PPARGC1A: variants seen among roughly 807,000 people sequenced by gnomAD.
The protein encoded by PPARGC1A is peroxisome proliferator-activated receptor gamma coactivator 1-alpha.
In PPARGC1A, 25 loss-of-function variants were observed where a neutral mutation model predicts 88.7. The ratio of observed to expected loss-of-function variants is 0.28; its 90% confidence interval spans 0.21 to 0.39. The LOEUF (loss-of-function observed/expected upper bound fraction) is 0.39. Ranked by LOEUF, PPARGC1A falls within the 10% of genes least tolerant of loss-of-function variation. The pLI is 1.00. For missense variants in PPARGC1A, 880 were observed against 968.7 expected, an observed-to-expected ratio of 0.91 and a Z score of 1.22; for synonymous variants, 363 against 355.6, an observed-to-expected ratio of 1.02 and a Z score of -0.24.
chr4:23,924,735 A>G, the PPARGC1A span, among the ~76,000 whole-genome samples: 1 of 152,128 alleles, frequency 6.6e-6, no homozygotes. Flanking sequence ...GACATGACCA[A>G]CTTCCTCACA....
chr4:24,107,365 T>C, the PPARGC1A span, among the ~76,000 whole-genome samples: 2 of 152,224 alleles, frequency 1.3e-5, no homozygotes, highest in African/African-American at 4.8e-5. Context: ...AATAACACAT[T>C]GATCCCTGAT....
At chr4:24,220,929 G>A in the PPARGC1A span, among the ~76,000 whole-genome samples, 1 of 151,920 alleles carries the variant, frequency 6.6e-6, no homozygotes, top group Non-Finnish European at 1.5e-5. Context: ...ACAACTCTAG[G>A]AACTACTAAA....
chr4:23,999,513 T>TTTGATG, the PPARGC1A span, among the ~76,000 whole-genome samples: 7 of 152,166 alleles, frequency 4.6e-5, no homozygotes, highest in Admixed American at 1.3e-4. Context: ...GGGTTGATTT[T>TTTGATG]TTGTTGTTGT....
chr4:24,203,413 T>C, the PPARGC1A span, among the ~76,000 whole-genome samples: 2 of 152,084 alleles, frequency 1.3e-5, no homozygotes, highest in African/African-American at 4.8e-5. Flanking sequence ...GTGGCAGGCA[T>C]CTGTAATCCC....
At chr4:23,813,185 C>T (rs188132445) in intron 8 of PPARGC1A, 60 bp from the exon 9 acceptor site, 20 of 1,421,616 alleles carry the variant, frequency 1.4e-5, no homozygotes, top group South Asian at 4.6e-5. Context: ...CCAAGTTTAT[C>T]GGCACTGTGG....
At chr4:23,988,650 T>C in the PPARGC1A span, among the ~76,000 whole-genome samples, 2 of 140,188 alleles carry the variant, frequency 1.4e-5, no homozygotes, top group East Asian at 2.1e-4. Context: ...GAGATAGATA[T>C]GTATATTTAT....
At chr4:24,252,341 G>A in the PPARGC1A span, among the ~76,000 whole-genome samples, 3 of 152,106 alleles carry the variant, frequency 2.0e-5, no homozygotes, top group Non-Finnish European at 2.9e-5. Flanking sequence ...TAGGAACCAC[G>A]GCCTTAGGGT....
At chr4:24,186,378 G>A in the PPARGC1A span, among the ~76,000 whole-genome samples, 6 of 152,132 alleles carry the variant, frequency 3.9e-5, no homozygotes, top group Admixed American at 1.3e-4. Context: ...TGCCTCCCAT[G>A]AGTCAGGATC....
the PPARGC1A span, among the ~76,000 whole-genome samples, chr4:24,007,811 A>G: frequency 1.3e-5 from 2 of 152,096 alleles, no homozygotes; most frequent in Non-Finnish European, 1.5e-5. Context: ...TCTGGATGCT[A>G]GGCGGGTTCC....
chr4:23,903,179 G>A (rs1719619787), upstream of PPARGC1A, among the ~76,000 whole-genome samples: 1 of 152,052 alleles, frequency 6.6e-6, no homozygotes, highest in Admixed American at 6.6e-5. Context: ...CTATTTTTAG[G>A]ACTTGAGAAA....
the PPARGC1A span, among the ~76,000 whole-genome samples, chr4:24,027,251 GCATATT>G: frequency 6.9e-6 from 1 of 145,286 alleles, no homozygotes; most frequent in Non-Finnish European, 1.5e-5. Flanking sequence ...GTGTGTGCGT[GCATATT>G]TTTGCCTGTA....
chr4:23,941,101 A>G, the PPARGC1A span, among the ~76,000 whole-genome samples: 2 of 152,274 alleles, frequency 1.3e-5, no homozygotes, highest in East Asian at 3.9e-4. Flanking sequence ...CCCAAGCAGG[A>G]ATACAATGGT....
intron 2 of PPARGC1A, among the ~76,000 whole-genome samples, chr4:23,843,901 G>T (rs1485003305): frequency 2.6e-5 from 4 of 151,774 alleles, no homozygotes; most frequent in Non-Finnish European, 2.9e-5. Flanking sequence ...GAACATACAT[G>T]CAGACCAATA....
At chr4:24,053,912 C>T in the PPARGC1A span, among the ~76,000 whole-genome samples, 6 of 152,164 alleles carry the variant, frequency 3.9e-5, no homozygotes, top group African/African-American at 7.2e-5. Flanking sequence ...CCTAACTCTC[C>T]ACCAGCCATA....
the PPARGC1A span, among the ~76,000 whole-genome samples, chr4:24,077,624 G>GGTGTGTGTGTGT: frequency 1.2e-3 from 155 of 130,956 alleles, no homozygotes; most frequent in African/African-American, 4.0e-3. Flanking sequence ...TGTGTCTAGG[G>GGTGTGTGTGTGT]GTGTGTGTGT....
At chr4:23,824,916 G>A (rs749698943) in intron 5 of PPARGC1A, among the ~76,000 whole-genome samples, 25 of 152,082 alleles carry the variant, frequency 1.6e-4, no homozygotes, top group African/African-American at 5.6e-4. Flanking sequence ...CTCCTAAAAC[G>A]TATAATTTTA....
the PPARGC1A span, among the ~76,000 whole-genome samples, chr4:23,982,024 T>C: frequency 1.3e-5 from 2 of 152,088 alleles, no homozygotes; most frequent in African/African-American, 4.8e-5. Flanking sequence ...AAGTTTTGAC[T>C]CACACACATC....
At chr4:24,201,643 T>G in the PPARGC1A span, among the ~76,000 whole-genome samples, 1 of 152,240 alleles carries the variant, frequency 6.6e-6, no homozygotes, top group African/African-American at 2.4e-5. Flanking sequence ...TTTTAGATTA[T>G]ATAAGGAACA....
chr4:24,028,121 GA>G, the PPARGC1A span, among the ~76,000 whole-genome samples: 7 of 151,108 alleles, frequency 4.6e-5, no homozygotes, highest in African/African-American at 7.3e-5. Flanking sequence ...GCTCCTCAAG[GA>G]AAAAAAAATC....
Sources: allele counts gnomAD v4.1 joint callset (sites outside exome capture counted in the v4.1 genomes callset), GRCh38; gene constraint gnomAD v4.1.1; transcripts MANE v1.5; gene names NCBI Gene and HGNC (gene_info 2026-07-23, HGNC 2026-07-21).